ACSM3: variants seen among roughly 807,000 people sequenced by gnomAD.
The protein encoded by ACSM3 is acyl-coenzyme A synthetase ACSM3, mitochondrial.
A neutral mutation model predicts 74.1 loss-of-function variants in ACSM3; 61 were observed. The ratio of observed to expected loss-of-function variants is 0.82; its 90% confidence interval spans 0.67 to 1.02. The LOEUF (loss-of-function observed/expected upper bound fraction) is 1.02. ACSM3 is among the 50% of genes least tolerant of loss of function. The pLI is 0.00. For synonymous variants in ACSM3, 213 were observed against 241.5 expected, an observed-to-expected ratio of 0.88 and a Z score of 1.09; for missense variants, 660 against 697.0, an observed-to-expected ratio of 0.95 and a Z score of 0.60.
intron 1 of ACSM3, chr16:20,722,421 T>C (rs138204677): frequency 6.6e-6 from 1 of 152,210 alleles, no homozygotes; most frequent in Non-Finnish European, 1.5e-5. Context: ...TTAAGGGACA[T>C]AGTGGAACTT....
At chr16:20,775,756 C>A in intron 2 of ACSM3, 83 bp from the exon 3 acceptor site, 2 of 1,391,626 alleles carry the variant, frequency 1.4e-6, no homozygotes. Context: ...CTTTCTTCAG[C>A]TAATCTATTC....
At chr16:20,791,945 C>T in intron 10 of ACSM3, 57 bp from the exon 11 acceptor site, 15 of 1,561,192 alleles carry the variant, frequency 9.6e-6, no homozygotes, top group Admixed American at 1.9e-5. Flanking sequence ...AAAAAAAATT[C>T]CAATTGACCA....
At chr16:20,761,399 G>C (rs959539238), upstream of ACSM3, among the ~76,000 whole-genome samples, 3 of 152,174 alleles carry the variant, frequency 2.0e-5, no homozygotes, top group Non-Finnish European at 4.4e-5. Flanking sequence ...AATTAATTGA[G>C]ACCTGTCTCA....
rs2080294377 is a variant in ACSM3 at position 20,778,951 on chromosome 16, T to C, written c.638+1371T>C. 3.9e-5 allele frequency among the ~76,000 whole-genome samples: 6 copies of C among 152,118 alleles called. No individual in the cohort carries two copies. The South Asian group carries it at 1.0e-3, about 26-fold the overall frequency. ...TATTTTTAGCAGATATGGGGTTTCG[T>C]CATGTTAGCCAGGATGGTCTCAATC... On this transcript the variant is annotated intron_variant, in intron 4 of 13. Transcript: ENST00000289416.
chr16:20,781,384 A>C (rs562900038), intron 6 of ACSM3, among the ~76,000 whole-genome samples: 1 of 152,320 alleles, frequency 6.6e-6, no homozygotes, highest in East Asian at 1.9e-4. Context: ...ACAACAATTA[A>C]AAAAATGCAA....
intron 1 of ACSM3, among the ~76,000 whole-genome samples, chr16:20,713,068 C>T (rs1361055788): frequency 1.3e-5 from 2 of 152,108 alleles, no homozygotes; most frequent in African/African-American, 4.8e-5. Context: ...TCCCAAGGGC[C>T]ACATCAGTGA....
intron 2 of ACSM3, 69 bp downstream of exon 2, chr16:20,770,322 C>T: frequency 7.5e-7 from 1 of 1,329,794 alleles, no homozygotes; most frequent in African/African-American, 1.5e-5. Context: ...GGTAACATCT[C>T]TAATGTCTAG....
intron 1 of ACSM3, among the ~76,000 whole-genome samples, chr16:20,719,024 C>T (rs1378891233): frequency 3.3e-5 from 5 of 152,182 alleles, no homozygotes; most frequent in Non-Finnish European, 7.3e-5. Context: ...CAGCCTCCCA[C>T]TCTACTCTCA....
intron 1 of ACSM3, chr16:20,690,923 C>G: frequency 1.4e-6 from 2 of 1,462,394 alleles, no homozygotes; most frequent in Middle Eastern, 1.8e-4. Flanking sequence ...CCATACCTTT[C>G]AGCCTAGTAG....
chr16:20,735,247 T>C (rs1247797241), intron 1 of ACSM3: 1 of 152,234 alleles, frequency 6.6e-6, no homozygotes, highest in Non-Finnish European at 1.5e-5. Flanking sequence ...GGCTGTTTTA[T>C]TGTAAGTACT....
intron 2 of ACSM3, among the ~76,000 whole-genome samples, chr16:20,754,647 A>G (rs1280881943): frequency 6.6e-6 from 1 of 152,226 alleles, no homozygotes; most frequent in African/African-American, 2.4e-5. Context: ...TTCATGGATC[A>G]GTTTGCTCAC....
At chr16:20,724,061 G>T (rs2079796018) in intron 1 of ACSM3, among the ~76,000 whole-genome samples, 7 of 152,096 alleles carry the variant, frequency 4.6e-5, no homozygotes, top group Admixed American at 4.6e-4. Flanking sequence ...TTTTGTATAA[G>T]GTGTAAGGAA....
At chr16:20,793,572 C>T (rs2080651914) in intron 12 of ACSM3, among the ~76,000 whole-genome samples, 2 of 152,174 alleles carry the variant, frequency 1.3e-5, no homozygotes, top group African/African-American at 4.8e-5. Flanking sequence ...CCTAACTGAT[C>T]TTTGATGCCA....
intron 1 of ACSM3, among the ~76,000 whole-genome samples, chr16:20,709,742 T>C (rs1165312999): frequency 6.6e-6 from 1 of 152,254 alleles, no homozygotes; most frequent in Non-Finnish European, 1.5e-5. Context: ...AATATATTCA[T>C]AAATAAAGTC....
chr16:20,751,985 A>C (rs1232196536), intron 2 of ACSM3, among the ~76,000 whole-genome samples: 2 of 152,210 alleles, frequency 1.3e-5, no homozygotes, highest in Non-Finnish European at 2.9e-5. Context: ...CACATTAAAA[A>C]AAATGGATAT....
At chr16:20,734,159 T>A (rs2079848943) in intron 1 of ACSM3, 1 of 152,588 alleles carries the variant, frequency 6.6e-6, no homozygotes, top group South Asian at 2.1e-4. Context: ...TCAAAATCTT[T>A]CCGTAAAATA....
At chr16:20,784,564 A>G (rs766744843) in intron 7 of ACSM3, 9 of 161,300 alleles carry the variant, frequency 5.6e-5, no homozygotes, top group Non-Finnish European at 1.1e-4. Context: ...GCAGATTAGC[A>G]TGGCCCCTGC....
chr16:20,741,482 C>CGGGG, intron 1 of ACSM3: 1 of 160,352 alleles, frequency 6.2e-6, no homozygotes, highest in East Asian at 2.4e-4. Flanking sequence ...TGGCAGCCGG[C>CGGGG]CCGCCCGCCC....
chr16:20,706,083 A>AGTGTGTGT (rs59605164), intron 1 of ACSM3, among the ~76,000 whole-genome samples: 14 of 149,774 alleles, frequency 9.3e-5, no homozygotes, highest in African/African-American at 1.7e-4. Flanking sequence ...ATCGTGGAAC[A>AGTGTGTGT]GTGTGTGTGT....
Sources: allele counts gnomAD v4.1 joint callset (sites outside exome capture counted in the v4.1 genomes callset), GRCh38; gene constraint gnomAD v4.1.1; transcripts MANE v1.5; gene names NCBI Gene and HGNC (gene_info 2026-07-23, HGNC 2026-07-21).